Variants in ROGDI observed in about 807,000 individuals in gnomAD.
The protein encoded by ROGDI is rogdi atypical leucine zipper.
ROGDI carries 46 observed loss-of-function variants against 43.1 expected under a neutral mutation model. That is an observed-to-expected ratio of 1.07 (90% CI 0.84 to 1.37). The LOEUF (loss-of-function observed/expected upper bound fraction) is 1.37. Among genes scored for constraint, ROGDI ranks in the 40% most tolerant of loss-of-function variants. ROGDI has a pLI of 0.00. For synonymous variants in ROGDI, 243 were observed against 162.0 expected (o/e 1.50, Z -3.80); for missense variants, 518 against 383.9 (o/e 1.35, Z -2.92).
At position 4,797,265 on chromosome 16, in the gene ROGDI, T is replaced by C; in HGVS notation, c.*195A>G. 4 of 585,900 alleles carry C rather than the reference T, an allele frequency of 6.8e-6. No homozygotes were observed. The South Asian group carries it at 8.2e-5, about 12-fold the overall frequency. The allele number at this position is 585,900 out of a possible 1,614,324, so 36.3% of individuals were successfully genotyped here. A position where few individuals can be genotyped will look rare whatever the true frequency, so the allele number is the denominator to read the frequency against. Reference sequence around the variant, plus strand: ...GGCCCCGCCTCCCTGACCTCCCCACTACCCCACCAAACCAGCCTTCCTTCC... The same window carrying C: ...GGCCCCGCCTCCCTGACCTCCCCACCACCCCACCAAACCAGCCTTCCTTCC... On this transcript the variant is annotated 3_prime_UTR_variant, in exon 11 of 11. Transcript: ENST00000322048.
Position 4,797,670 on chromosome 16 carries a change from C to T in ROGDI, c.822+44G>A, listed in dbSNP as rs1189418374. ...GCGCTCTGAGGGTGTGGCAAGGACC[C>T]TTAGAAGTCCTTCCCCTAATGAAGG... On this transcript the variant is annotated intron_variant, in intron 10 of 10. Transcript: ENST00000322048. The T allele has an allele frequency of 7.3e-6, 7 of 960,250 alleles. No individual in the cohort carries two copies. In the Admixed American group the frequency reaches 1.0e-4, roughly 14 times the overall value. The allele number at this position is 960,250 out of a possible 1,614,324, so 59.5% of individuals were successfully genotyped here.
chr16:4,800,679 T>A, intron 4 of ROGDI, 101 bp from the exon 5 acceptor site: 1 of 1,000,610 alleles, frequency 1.0e-6, no homozygotes, highest in Non-Finnish European at 1.5e-6. Context: ...TGTGTGGTGG[T>A]TCAGGCCTTG....
chr16:4,800,502 T>C lies in ROGDI; in HGVS notation c.332A>G (p.Gln111Arg). 6.4e-7 allele frequency: 1 copy of C among 1,554,956 alleles called. No homozygotes were observed. Reference protein sequence around the residue: ...AFREDKQWKLQQIQDARNHVS... With the variant: ...AFREDKQWKLRQIQDARNHVS... Reference sequence around the variant, plus strand: ...AGCCAGGAGGGGCGGGGTCACCTGCTGCAGCTTCCACTGCTTGTCCTCCCG... The same window carrying C: ...AGCCAGGAGGGGCGGGGTCACCTGCCGCAGCTTCCACTGCTTGTCCTCCCG... Residue 111 changes from glutamine (Q) to arginine (R), a missense_variant, in exon 5 of 11, where the codon CAG becomes CGG. By Grantham distance (43) the Gln-to-Arg change is conservative (BLOSUM62 1). Transcript: ENST00000322048.
At chr16:4,800,372 A>G in intron 5 of ROGDI, 126 bp downstream of exon 5, 1 of 757,516 alleles carries the variant, frequency 1.3e-6, no homozygotes, top group South Asian at 1.8e-5. Flanking sequence ...TGCTGTTAGG[A>G]AACACCCTCC....
At chr16:4,800,622 T>G in intron 4 of ROGDI, 44 bp from the exon 5 acceptor site, 1 of 1,446,282 alleles carries the variant, frequency 6.9e-7, no homozygotes, top group South Asian at 1.2e-5. Context: ...GGGGGGCACC[T>G]CCTGCCACAG....
In ROGDI at chr16:4,797,413, T is replaced by C. The variant is rs1264000130; in HGVS notation, c.*47A>G. On this transcript the variant is annotated 3_prime_UTR_variant, in exon 11 of 11. Transcript: ENST00000322048. ...GCTGGTGCTCTGTGGTGGGTATGAG[T>C]AGGGGACGGGGCCGCCTTCCTGGAG... The C allele has an allele frequency of 1.9e-6, 3 of 1,578,556 alleles. No homozygotes were observed. Among genetic ancestry groups the C allele is most frequent in the Non-Finnish European group, 2.6e-6 (3 of 1,156,584 alleles).
Position 4,799,556 on chromosome 16 carries a change from C to A in ROGDI, c.432+130G>T. ...CTGACCCCACAGGTAGAAATGGAGA[C>A]ACAGAGTCGGCAGGTAAGTGCTTAC... On this transcript the variant is annotated intron_variant, in intron 6 of 10. Transcript: ENST00000322048. 6 of 624,820 alleles carry A rather than the reference C, an allele frequency of 9.6e-6. No homozygotes were observed. In the South Asian group the frequency reaches 1.2e-4, roughly 13 times the overall value. The allele number at this position is 624,820 out of a possible 1,614,324, so 38.7% of individuals were successfully genotyped here. A position where few individuals can be genotyped will look rare whatever the true frequency, so the allele number is the denominator to read the frequency against.
intron 10 of ROGDI, 105 bp downstream of exon 10, chr16:4,797,609 G>T (rs1008268584): frequency 5.0e-6 from 8 of 1,592,366 alleles, no homozygotes; most frequent in Non-Finnish European, 6.9e-6. Context: ...TTGCTGCCTC[G>T]CAGTGCTGTG....
At chr16:4,797,552 A>T in intron 10 of ROGDI, 51 bp from the exon 11 acceptor site, 1 of 1,587,368 alleles carries the variant, frequency 6.3e-7, no homozygotes, top group East Asian at 2.2e-5. Flanking sequence ...GGGGTAGCCC[A>T]GGGGAGATGT....
rs754416466 is a variant in ROGDI, at chr16:4,798,615, G to A, written c.485C>T (p.Thr162Ile). The A allele has an allele frequency of 1.3e-6, 2 of 1,575,692 alleles. No individual in the cohort carries two copies. The highest frequency in any genetic ancestry group is 1.7e-6 in the Non-Finnish European group (2 of 1,165,530). Reference protein sequence around the residue: ...QLTRARNRLTTPATLTLPEIA... With the variant: ...QLTRARNRLTIPATLTLPEIA... ...CTCGGGGAGGGTGAGGGTGGCGGGG[G>A]TGGTGAGCCGGTTTCGGGCTCTGGT... Residue 162 changes from threonine (T) to isoleucine (I), a missense_variant, in exon 7 of 11, where the codon ACC becomes ATC. Thr to Ile is a moderately conservative substitution (Grantham distance 89, BLOSUM62 -1). Transcript: ENST00000322048.
At position 4,802,393 on chromosome 16, in the gene ROGDI, C is replaced by T. The variant is rs1285912917; in HGVS notation, c.106G>A (p.Asp36Asn). 1 of 1,571,200 alleles carries T rather than the reference C, an allele frequency of 6.4e-7. No homozygotes were observed. Among genetic ancestry groups the T allele is most frequent in the Non-Finnish European group, 8.6e-7 (1 of 1,162,630 alleles). ...EVHAVLKQLQ[D>N]ILKEASLRFT... ...GCGCGGGTCGTTACCTTGAGGATGT[C>T]CTGCAGCTGCTTCAACACAGCGTGC... Residue 36 changes from aspartate (D) to asparagine (N), a missense_variant, in exon 2 of 11, where the codon GAC becomes AAC. Coordinates refer to ENST00000322048, the MANE Select transcript of ROGDI (RefSeq NM_024589.3).
At position 4,801,266 on chromosome 16, in the gene ROGDI, C is replaced by G; in HGVS notation, c.255+1G>C. On this transcript the variant is annotated splice_donor_variant, in intron 4 of 10. Coordinates refer to ENST00000322048, the MANE Select transcript of ROGDI (RefSeq NM_024589.3). LOFTEE classifies it high-confidence loss of function. ...GGAGGGGACAGGGCCGGGGGACTCA[C>G]CGCCTGGCTGAGGGCATCCCCCTGC... 1 of 1,604,094 alleles carries G rather than the reference C, an allele frequency of 6.2e-7. No individual in the cohort carries two copies. Among genetic ancestry groups the G allele is most frequent in the Non-Finnish European group, 8.5e-7 (1 of 1,173,682 alleles).
chr16:4,800,851 C>G (rs941570499), intron 4 of ROGDI: 1 of 553,952 alleles, frequency 1.8e-6, no homozygotes, highest in African/African-American at 1.9e-5. Context: ...CTCTGTGAGG[C>G]TCTGTGCGAA....
rs1363228432 is a variant in ROGDI at position 4,798,141 on chromosome 16, A to G, written c.575T>C (p.Val192Ala). ...GCAGAGCTTGTTGAGGTTGATGTAG[A>G]CGTTGACCAGCAGGTCGGACGGCAG... ...PALPSDLLVN[V>A]YINLNKLCLT... Residue 192 changes from valine to alanine, a missense_variant, in exon 8 of 11, where the codon GTC becomes GCC. By Grantham distance (64) the Val-to-Ala change is moderately conservative. Transcript: ENST00000322048. The G allele has an allele frequency of 6.2e-7, 1 of 1,613,998 alleles. No individual in the cohort carries two copies. The highest frequency in any genetic ancestry group is 1.1e-5 in the South Asian group (1 of 91,088).
In ROGDI at chr16:4,799,716, G is replaced by C; in HGVS notation, c.402C>G (p.Tyr134Ter). The change falls in exon 6 of 11, where the codon TAC (tyrosine) becomes TAG (stop). Residue 134 changes from tyrosine to a stop codon, truncating the protein, a stop_gained. Coordinates refer to ENST00000322048, the MANE Select transcript of ROGDI (RefSeq NM_024589.3). LOFTEE classifies it high-confidence loss of function. ...GGACCTCAGCGCCCGTCTTGAACTG[G>C]TAGCTCTGGTCCCGGCTGGTAAGCA... ...IYLLTSRDQS[Y>*]QFKTGAEVLK... 6.2e-7 allele frequency: 1 copy of C among 1,613,720 alleles called. No homozygotes were observed. Among genetic ancestry groups the C allele is most frequent in the Non-Finnish European group, 8.5e-7 (1 of 1,179,778 alleles).
chr16:4,798,670 G>A lies in ROGDI; in HGVS notation c.433-3C>T, dbSNP rs770798891. The stretch of plus-strand genomic sequence containing the variant: ...TGCAGCATCACTGCGTCCATCAGCT[G>A]CAGGGAGAGGCGGGGTTGGCTCTGC... On this transcript the variant is annotated splice_region_variant and splice_polypyrimidine_tract_variant and intron_variant, in intron 6 of 10. Transcript: ENST00000322048. 5.8e-6 allele frequency: 9 copies of A among 1,558,684 alleles called. No homozygotes were observed. The highest frequency in any genetic ancestry group is 7.8e-6 in the Non-Finnish European group (9 of 1,154,110).
chr16:4,800,789 G>T (rs985988626), intron 4 of ROGDI: 1 of 586,660 alleles, frequency 1.7e-6, no homozygotes, highest in South Asian at 2.0e-5. Context: ...GAGCCACAAA[G>T]AAGTGAAATG....
chr16:4,801,148 T>G (rs1252474447), intron 4 of ROGDI, 119 bp downstream of exon 4: 3 of 768,258 alleles, frequency 3.9e-6, no homozygotes, highest in African/African-American at 1.8e-5. Flanking sequence ...AGGAGAAAAC[T>G]GAGGCCAGAG....
At position 4,797,436 on chromosome 16, in the gene ROGDI, G is replaced by C; in HGVS notation, c.*24C>G. ...AGTAGGGGACGGGGCCGCCTTCCTG[G>C]AGACAAGCTCCTGGGTGCTGTGATC... is the stretch of plus-strand genomic sequence containing the variant. On this transcript the variant is annotated 3_prime_UTR_variant, in exon 11 of 11. Coordinates refer to ENST00000322048, the MANE Select transcript of ROGDI (RefSeq NM_024589.3). 6.2e-7 allele frequency: 1 copy of C among 1,608,996 alleles called. No individual in the cohort carries two copies. The highest frequency in any genetic ancestry group is 8.5e-7 in the Non-Finnish European group (1 of 1,177,418).
Sources: allele counts gnomAD v4.1 joint callset, GRCh38; gene constraint gnomAD v4.1.1; transcripts MANE v1.5; gene names NCBI Gene and HGNC (gene_info 2026-07-23, HGNC 2026-07-21).